The following EVC2 variants were observed in gnomAD, a reference collection of about 807,000 sequenced individuals.
EVC2 encodes EvC ciliary complex subunit 2.
Under a neutral mutation model 149.3 loss-of-function variants are expected in EVC2, and 148 were observed. The observed-to-expected ratio is 0.99, with a 90% CI of 0.87 to 1.14. The LOEUF is 1.14. Among genes scored for constraint, EVC2 ranks in the 50% most tolerant of loss-of-function variants. The pLI is 0.00. For missense variants in EVC2, 1,854 were observed against 1,627.3 expected (o/e 1.14, Z -2.40); for synonymous variants, 776 against 649.9 (o/e 1.19, Z -2.95).
intron 11 of EVC2, among the ~76,000 whole-genome samples, chr4:5,629,678 A>T (rs1425398900): frequency 6.6e-6 from 1 of 152,238 alleles, no homozygotes; most frequent in Non-Finnish European, 1.5e-5. Context: ...CTTGGGAATT[A>T]GCATCATCCA....
intron 19 of EVC2, 90 bp downstream of exon 19, chr4:5,574,595 T>C: frequency 7.5e-7 from 1 of 1,329,182 alleles, no homozygotes; most frequent in Non-Finnish European, 1.1e-6. Context: ...TTCATCACCA[T>C]CCTGGAGGTG....
At chr4:5,646,301 C>T (rs1717704581) in intron 9 of EVC2, among the ~76,000 whole-genome samples, 1 of 152,072 alleles carries the variant, frequency 6.6e-6, no homozygotes, top group African/African-American at 2.4e-5. Flanking sequence ...TTTTGATTTG[C>T]ATTTCCCTAA....
chr4:5,538,861 A>G (rs185146511), downstream of EVC2, among the ~76,000 whole-genome samples: 322 of 152,274 alleles, frequency 2.1e-3, 1 homozygote, highest in East Asian at 0.011. Flanking sequence ...AGCTAATATC[A>G]TACTCAATGG....
Position 5,618,371 on chromosome 4 carries a change from G to A in EVC2, c.2706+107C>T, listed in dbSNP as rs1429105180. 3.3e-6 allele frequency: 4 copies of A among 1,229,988 alleles called. No individual in the cohort carries two copies. The African/African-American group carries it at 4.5e-5, about 14-fold the overall frequency. The allele number at this position is 1,229,988 out of a possible 1,614,324, so 76.2% of individuals were successfully genotyped here. A position where few individuals can be genotyped will look rare whatever the true frequency, so the allele number is the denominator to read the frequency against. ...CAGCCAGAGAGGAGAGGATAGGGGA[G>A]CATGAGGTGAGATGGGCTCAGGCTG... On this transcript the variant is annotated intron_variant, in intron 15 of 21. Transcript: ENST00000344408. The surrounding 1 kb of genome is among the most constrained non-coding windows in gnomAD (Gnocchi z 4.4).
intron 7 of EVC2, among the ~76,000 whole-genome samples, chr4:5,672,424 C>A (rs1296824536): frequency 6.6e-6 from 1 of 152,212 alleles, no homozygotes; most frequent in African/African-American, 2.4e-5. Context: ...AAAGACAACT[C>A]TGGCCGCTGT....
chr4:5,681,299 C>T lies in EVC2; in HGVS notation c.831G>A (p.Leu277=), dbSNP rs376314429. 1.9e-6 allele frequency: 3 copies of T among 1,614,256 alleles called. No individual in the cohort carries two copies. The highest frequency in any genetic ancestry group is 8.5e-7 in the Non-Finnish European group (1 of 1,180,048). Residue 277 remains leucine, a synonymous_variant, in exon 7 of 22, where the codon CTG becomes CTA. Coordinates refer to ENST00000344408, the MANE Select transcript of EVC2 (RefSeq NM_147127.5). ...CTGCTGTTATGGAAAAAAGCACTTT[C>T]AGCTGTGTTCTGTTCTAGAAAAGGA... ...FQSSSRNRTQ[L]KVLFSITAEE...
At chr4:5,664,265 T>A (rs1034722857) in intron 8 of EVC2, among the ~76,000 whole-genome samples, 25 of 152,306 alleles carry the variant, frequency 1.6e-4, no homozygotes, top group African/African-American at 5.3e-4. Flanking sequence ...AATCCAACTC[T>A]GAAGGCTGCC....
At chr4:5,624,117 G>A (rs187699498) in intron 13 of EVC2, among the ~76,000 whole-genome samples, 1 of 152,282 alleles carries the variant, frequency 6.6e-6, no homozygotes, top group East Asian at 1.9e-4. Context: ...GGTCTCATCT[G>A]AATCAGGTTA....
At chr4:5,706,201 A>ATCC (rs1305057350) in intron 1 of EVC2, among the ~76,000 whole-genome samples, 1 of 151,626 alleles carries the variant, frequency 6.6e-6, no homozygotes, top group Non-Finnish European at 1.5e-5. Flanking sequence ...ACGGCTCCCC[A>ATCC]TCCTCCTCCT....
intron 17 of EVC2, among the ~76,000 whole-genome samples, chr4:5,584,348 T>C (rs1483894180): frequency 6.6e-6 from 1 of 152,148 alleles, no homozygotes; most frequent in East Asian, 1.9e-4. Flanking sequence ...CCTAGCACAA[T>C]GAAAGAAACA....
At position 5,554,205 on chromosome 4, in the gene EVC2, T is replaced by C. The variant is rs565697362; in HGVS notation, c.3420-10993A>G. ...TCTTTTCTTGGACCCATCCGAGAAC[T>C]GAGACCACAAAGCCAACCACTACCT... is the stretch of plus-strand genomic sequence containing the variant. On this transcript the variant is annotated intron_variant and NMD_transcript_variant, in intron 21 of 22. Transcript: ENST00000475313. Among the ~76,000 whole-genome samples the C allele has an allele frequency of 2.3e-4, 35 of 151,978 alleles. No individual in the cohort carries two copies. The South Asian group carries it at 7.4e-3, about 32-fold the overall frequency.
In EVC2 at chr4:5,598,675, T is replaced by C. The variant is rs1427285822; in HGVS notation, c.2830-13825A>G. 3.9e-5 allele frequency among the ~76,000 whole-genome samples: 6 copies of C among 152,102 alleles called. No individual in the cohort carries two copies. The East Asian group carries it at 1.2e-3, about 29-fold the overall frequency. On this transcript the variant is annotated intron_variant, in intron 16 of 21. Transcript: ENST00000344408. ...TAGGCATGGGCAAGGACTTCATGTC[T>C]AAAACACCAAAAGCAATGGCAACAA...
At chr4:5,546,157 A>G (rs1354284819) in intron 21 of EVC2, among the ~76,000 whole-genome samples, 2 of 152,212 alleles carry the variant, frequency 1.3e-5, no homozygotes, top group African/African-American at 4.8e-5. Flanking sequence ...TGAGTGTGGC[A>G]ATTCCTCGGG....
At position 5,576,057 on chromosome 4, in the gene EVC2, G is replaced by A. The variant is rs1348244635; in HGVS notation, c.3272+183C>T. On this transcript the variant is annotated intron_variant, in intron 18 of 21. Coordinates refer to ENST00000344408, the MANE Select transcript of EVC2 (RefSeq NM_147127.5). The surrounding 1 kb of genome is among the most constrained non-coding windows in gnomAD (Gnocchi z 4.5). ...CTTCAATGATATTAAATTTAAAAAA[G>A]AAGGGCATCAGGGAAGAAAGAGTAT... Among the ~76,000 whole-genome samples the A allele has an allele frequency of 1.3e-5, 2 of 152,166 alleles. No individual in the cohort carries two copies. Among genetic ancestry groups the A allele is most frequent in the East Asian group, 3.8e-4 (2 of 5,196 alleles).
In EVC2 at chr4:5,568,481, C is replaced by T. The variant is rs756096100; in HGVS notation, c.3520G>A (p.Asp1174Asn). ...ERHVDHAAES[D>N]GGAEQADVGR... ...ACGTCGGCCTGCTCCGCTCCGCCAT[C>T]GCTCTCAGCTGCGTGGTCCACATGT... The change falls in exon 20 of 22, where the codon GAT becomes AAT. Residue 1174 changes from aspartate (D) to asparagine (N), a missense_variant. Asp to Asn is a conservative substitution (Grantham distance 23, BLOSUM62 1). Coordinates refer to ENST00000344408, the MANE Select transcript of EVC2 (RefSeq NM_147127.5). 5.1e-6 allele frequency: 8 copies of T among 1,579,434 alleles called. No homozygotes were observed. Among genetic ancestry groups the T allele is most frequent in the South Asian group, 2.3e-5 (2 of 86,380 alleles).
chr4:5,706,317 GATAC>G (rs371615524), intron 1 of EVC2, among the ~76,000 whole-genome samples: 16 of 94,204 alleles, frequency 1.7e-4, no homozygotes, highest in African/African-American at 5.0e-4. Flanking sequence ...TAGATAGATA[GATAC>G]ATAGATAGAT....
downstream of EVC2, among the ~76,000 whole-genome samples, chr4:5,559,851 T>C (rs1577090977): frequency 6.6e-6 from 1 of 152,168 alleles, no homozygotes; most frequent in South Asian, 2.1e-4. The surrounding 1 kb of genome is among the most constrained non-coding windows in gnomAD (Gnocchi z 5.0). Flanking sequence ...ATAATCTATG[T>C]AGACACTTTG....
At position 5,633,330 on chromosome 4, in the gene EVC2, A is replaced by C. The variant is rs1716686787; in HGVS notation, c.1471-1298T>G. Among the ~76,000 whole-genome samples the C allele has an allele frequency of 1.3e-5, 2 of 152,240 alleles. No homozygotes were observed. Among genetic ancestry groups the C allele is most frequent in the Non-Finnish European group, 2.9e-5 (2 of 68,042 alleles). ...CTGCAACATCCTGAGCATAGGTCAC[A>C]GTGAAGCTGTGCCCAGACTCCTGAC... is the stretch of plus-strand genomic sequence containing the variant. On this transcript the variant is annotated intron_variant, in intron 10 of 21. Coordinates refer to ENST00000344408, the MANE Select transcript of EVC2 (RefSeq NM_147127.5). This position sits in a 1 kb window ranked among gnomAD's most constrained non-coding sequence, Gnocchi z 4.4.
intron 10 of EVC2, among the ~76,000 whole-genome samples, chr4:5,632,315 A>G (rs1349587404): frequency 6.6e-6 from 1 of 152,230 alleles, no homozygotes. Context: ...AGGCACAAGT[A>G]CATGTGCGCA....
Sources: gnomAD v4.1 joint callset for allele counts (sites outside exome capture counted in the v4.1 genomes callset) on GRCh38, gnomAD v4.1.1 for gene constraint, Gnocchi (gnomAD v3.1) non-coding constraint, MANE v1.5 for transcripts, NCBI Gene and HGNC (gene_info 2026-07-23, HGNC 2026-07-21) for gene names.